SYVN1: variants seen among roughly 807,000 people sequenced by gnomAD.
SYVN1 encodes E3 ubiquitin-protein ligase synoviolin.
Under a neutral mutation model 62.6 loss-of-function variants are expected in SYVN1, and 17 were observed. That is an observed-to-expected ratio of 0.27 (90% CI 0.19 to 0.41). The LOEUF is 0.41. SYVN1 is among the 10% of genes least tolerant of loss of function. The pLI, the probability that SYVN1 is intolerant of heterozygous loss-of-function variation, is 1.00. For synonymous variants in SYVN1, 316 were observed against 304.0 expected (o/e 1.04, Z -0.41); for missense variants, 634 against 818.0 (o/e 0.78, Z 2.74).
chr11:65,132,447 G>A (rs1590828330), intron 5 of SYVN1, 96 bp from the exon 6 acceptor site: 3 of 889,576 alleles, frequency 3.4e-6, no homozygotes, highest in Non-Finnish European at 3.6e-6. Context: ...AGCCCACCAT[G>A]GCCCCAGCGA....
chr11:65,132,699 GTCCTCC>G, intron 5 of SYVN1, 27 bp downstream of exon 5: 2 of 1,612,568 alleles, frequency 1.2e-6, no homozygotes, highest in Non-Finnish European at 1.7e-6. Context: ...TCACGTTCCA[GTCCTCC>G]CTTCCCCTCC....
intron 13 of SYVN1, 43 bp from the exon 14 acceptor site, chr11:65,129,958 C>T (rs1367373848): frequency 2.5e-6 from 4 of 1,602,252 alleles, no homozygotes; most frequent in Non-Finnish European, 3.4e-6. Context: ...GGGCCAGACA[C>T]CAACCTCACC....
chr11:65,133,425 C>T (rs1383441805), intron 2 of SYVN1, 45 bp downstream of exon 2: 11 of 1,605,526 alleles, frequency 6.9e-6, no homozygotes, highest in Admixed American at 6.7e-5. Flanking sequence ...GCAGACTCCT[C>T]CTTCCCTCCC....
chr11:65,131,687 C>G (rs1948182514), intron 6 of SYVN1, 91 bp from the exon 7 acceptor site: 1 of 1,497,654 alleles, frequency 6.7e-7, no homozygotes, highest in Non-Finnish European at 9.0e-7. Flanking sequence ...ACAGCAGGTG[C>G]AGTGGTACAA....
At chr11:65,129,682 C>T (rs1469081512) in intron 14 of SYVN1, 47 bp downstream of exon 14, 6 of 1,583,770 alleles carry the variant, frequency 3.8e-6, no homozygotes, top group South Asian at 3.3e-5. Flanking sequence ...TTGGCAGCTC[C>T]ACTCCTGACC....
intron 1 of SYVN1, among the ~76,000 whole-genome samples, chr11:65,133,912 A>T (rs542396478): frequency 6.6e-6 from 1 of 152,184 alleles, no homozygotes; most frequent in Non-Finnish European, 1.5e-5. Context: ...AAAAGCTGCA[A>T]TGTTGGAGGA....
chr11:65,133,712 G>T, intron 1 of SYVN1, 94 bp from the exon 2 acceptor site: 2 of 1,001,988 alleles, frequency 2.0e-6, no homozygotes, highest in Non-Finnish European at 2.9e-6. Flanking sequence ...GAAAGTGGGG[G>T]GGAAATCACA....
In SYVN1 at chr11:65,132,988, A is replaced by G; in HGVS notation, c.312T>C (p.Val104=). 6.2e-7 allele frequency: 1 copy of G among 1,614,218 alleles called. No individual in the cohort carries two copies. The highest frequency in any genetic ancestry group is 8.5e-7 in the Non-Finnish European group (1 of 1,180,032). ...VFRDDFSPRF[V]ALFTLLLFLK... The stretch of plus-strand genomic sequence containing the variant: ...GGAAGAGAAGAAGAGTGAAGAGTGC[A>G]ACAAAGCGGGGGCTGAAGTCATCCC... The change falls in exon 4 of 16, where the codon GTT becomes GTC. Residue 104 remains valine, a synonymous_variant. Transcript: ENST00000377190.
chr11:65,130,289 C>T lies in SYVN1; in HGVS notation c.1196G>A (p.Ser399Asn). The T allele has an allele frequency of 6.3e-7, 1 of 1,599,268 alleles. No individual in the cohort carries two copies. Among genetic ancestry groups the T allele is most frequent in the Non-Finnish European group, 8.5e-7 (1 of 1,172,462 alleles). ...TGGAGGAGCCACAGCCTCTCCTGAGCTGGGGGGAGGCGGGACAGGTGGAAA... is the reference window on the plus strand; with the variant it reads ...TGGAGGAGCCACAGCCTCTCCTGAGTTGGGGGGAGGCGGGACAGGTGGAAA... ...GPFPPVPPPP[S>N]SGEAVAPPST... Residue 399 changes from serine to asparagine, a missense_variant, in exon 12 of 16, where the codon AGC becomes AAC. Around this residue, in one of 2 missense-constraint regions of SYVN1, gnomAD observed 351 missense variants for 373.3 expected, o/e 0.94. Coordinates refer to ENST00000377190, the MANE Select transcript of SYVN1 (RefSeq NM_172230.3).
In SYVN1 at chr11:65,128,686, A is replaced by C. The variant is rs746692872; in HGVS notation, c.1624T>G (p.Ser542Ala). ...ACTGTAGTGGCAGTCTCCTCAGTGG[A>C]GTTGACTGAAGTGGCAGGCCGGGGG... The part of the protein sequence containing the change: ...GPPRPATSVN[S>A]TEETATTVVA... Residue 542 changes from serine to alanine, a missense_variant, in exon 15 of 16, where the codon TCC (serine) becomes GCC (alanine). By Grantham distance (99) the Ser-to-Ala change is moderately conservative. This residue lies in a region of SYVN1 where 351 missense variants were observed against 373.3 expected (regional missense o/e 0.94). Transcript: ENST00000377190. 22 of 1,612,676 alleles carry C rather than the reference A, an allele frequency of 1.4e-5. No homozygotes were observed. Among genetic ancestry groups the C allele is most frequent in the Admixed American group, 1.7e-5 (1 of 59,696 alleles).
chr11:65,131,939 G>C (rs1224878998), intron 6 of SYVN1, among the ~76,000 whole-genome samples: 1 of 152,154 alleles, frequency 6.6e-6, no homozygotes, highest in Non-Finnish European at 1.5e-5. Context: ...CTCTGCCAGG[G>C]ACACGCCTCC....
rs1948197030 is a variant in SYVN1, at chr11:65,132,714, C to T, written c.427+18G>A. 2 of 1,614,094 alleles carry T rather than the reference C, an allele frequency of 1.2e-6. No individual in the cohort carries two copies. Among genetic ancestry groups the T allele is most frequent in the East Asian group, 2.2e-5 (1 of 44,892 alleles). ...TCACGTTCCAGTCCTCCCTTCCCCTCCCCTGAATCTCACTCACAGACAATG... is the reference window on the plus strand; with the variant it reads ...TCACGTTCCAGTCCTCCCTTCCCCTTCCCTGAATCTCACTCACAGACAATG... On this transcript the variant is annotated intron_variant, in intron 5 of 15. Transcript: ENST00000377190.
chr11:65,132,443 C>A lies in SYVN1; in HGVS notation c.428-92G>T, dbSNP rs1948193525. 3 of 914,754 alleles carry A rather than the reference C, an allele frequency of 3.3e-6. No homozygotes were observed. The South Asian group carries it at 4.3e-5, about 13-fold the overall frequency. The allele number at this position is 914,754 out of a possible 1,614,324, so 56.7% of individuals were successfully genotyped here. ...TAGGACAGCCCCACCCTCAAGCCCA[C>A]CATGGCCCCAGCGATCTAGTCAGGT... On this transcript the variant is annotated intron_variant, in intron 5 of 15. Transcript: ENST00000377190.
At chr11:65,134,128 T>C (rs1180988479) in intron 1 of SYVN1, 2 of 154,026 alleles carry the variant, frequency 1.3e-5, no homozygotes, top group Admixed American at 6.5e-5. Context: ...GCGGGGAACG[T>C]CAGCCTGGAA....
At chr11:65,130,402 A>G in intron 11 of SYVN1, 23 bp from the exon 12 acceptor site, 1 of 1,516,526 alleles carries the variant, frequency 6.6e-7, no homozygotes, top group Middle Eastern at 1.8e-4. Context: ...GACGGAGGTA[A>G]GGAAAGGGCC....
rs1948191763 is a variant in SYVN1, at chr11:65,132,349, G to A, written c.430C>T (p.Leu144Phe). The change falls in exon 6 of 16, where the codon CTT (leucine) becomes TTT (phenylalanine). Residue 144 changes from leucine to phenylalanine, a missense_variant and splice_region_variant. Transcript: ENST00000377190. Reference sequence around the variant, plus strand: ...TCCAGGATGCCCAGGAGGAACATAAGAGCTGTGGGGACCCCCACACATGCA... The same window carrying A: ...TCCAGGATGCCCAGGAGGAACATAAAAGCTGTGGGGACCCCCACACATGCA... Reference protein sequence around the residue: ...SWLFHCRIVSLMFLLGILDFL... With the variant: ...SWLFHCRIVSFMFLLGILDFL... The A allele has an allele frequency of 6.2e-7, 1 of 1,612,014 alleles. No homozygotes were observed. The highest frequency in any genetic ancestry group is 8.5e-7 in the Non-Finnish European group (1 of 1,178,146).
At chr11:65,129,977 G>A (rs919184367) in intron 13 of SYVN1, 25 bp downstream of exon 13, 5 of 1,598,698 alleles carry the variant, frequency 3.1e-6, no homozygotes, top group Non-Finnish European at 3.4e-6. Context: ...CCCCCAAGAA[G>A]AACCCAGAGA....
chr11:65,128,022 T>C lies in SYVN1; in HGVS notation c.*360A>G, dbSNP rs1486549211. 2 of 381,006 alleles carry C rather than the reference T, an allele frequency of 5.2e-6. No individual in the cohort carries two copies. The highest frequency in any genetic ancestry group is 9.7e-6 in the Non-Finnish European group (2 of 206,154). The allele number at this position is 381,006 out of a possible 1,614,324, so 23.6% of individuals were successfully genotyped here. ...GAGCTAATACTGTTCGGCACTGCAG[T>C]GTGACTCCGCACATACAAGTAGGGC... On this transcript the variant is annotated 3_prime_UTR_variant, in exon 16 of 16. Coordinates refer to ENST00000377190, the MANE Select transcript of SYVN1 (RefSeq NM_172230.3).
In SYVN1 at chr11:65,128,719, G is replaced by A. The variant is rs774669322; in HGVS notation, c.1596-5C>T. 3.7e-6 allele frequency: 6 copies of A among 1,600,568 alleles called. No individual in the cohort carries two copies. The African/African-American group carries it at 5.4e-5, about 14-fold the overall frequency. On this transcript the variant is annotated splice_polypyrimidine_tract_variant and splice_region_variant and intron_variant, in intron 14 of 15. Transcript: ENST00000377190. Reference sequence around the variant, plus strand: ...GAAGTGGCAGGCCGGGGGGGCCTGGGAAGAGAAGGGACGAGAGGCGGGCCT... The same window carrying A: ...GAAGTGGCAGGCCGGGGGGGCCTGGAAAGAGAAGGGACGAGAGGCGGGCCT...
Sources: allele counts gnomAD v4.1 joint callset (sites outside exome capture counted in the v4.1 genomes callset), GRCh38; gene constraint gnomAD v4.1.1; regional missense constraint gnomAD v4.1.1; transcripts MANE v1.5; gene names NCBI Gene and HGNC (gene_info 2026-07-23, HGNC 2026-07-21).